PTPRD: variants seen among roughly 807,000 people sequenced by gnomAD.
The protein encoded by PTPRD is receptor-type tyrosine-protein phosphatase delta.
PTPRD carries 34 observed loss-of-function variants against 214.5 expected under a neutral mutation model. The ratio of observed to expected loss-of-function variants is 0.16; its 90% CI spans 0.12 to 0.21. The LOEUF (loss-of-function observed/expected upper bound fraction) is 0.21, where lower values mean the gene tolerates loss of function less well. Ranked by LOEUF, PTPRD falls within the 10% of genes least tolerant of loss-of-function variation. The probability of loss-of-function intolerance (pLI) is 1.00; values close to 1 mark genes in which losing one functional copy is unlikely to be tolerated. For missense variants in PTPRD, 2,545 were observed against 2,398.7 expected (o/e 1.06, Z -1.27); for synonymous variants, 1,128 against 845.7 (o/e 1.33, Z -5.79).
At chr9:8,544,745 A>G (rs2140357289) in intron 14 of PTPRD, among the ~76,000 whole-genome samples, 1 of 152,130 alleles carries the variant, frequency 6.6e-6, no homozygotes, top group Non-Finnish European at 1.5e-5. Flanking sequence ...TGCTGGGATT[A>G]CAGGCATGAG....
chr9:10,573,903 C>G (rs2068279747), intron 2 of PTPRD, among the ~76,000 whole-genome samples: 1 of 151,970 alleles, frequency 6.6e-6, no homozygotes, highest in Non-Finnish European at 1.5e-5. Context: ...TGTAACAAAA[C>G]TGCACATTCT....
intron 12 of PTPRD, among the ~76,000 whole-genome samples, chr9:8,696,946 C>T (rs991980953): frequency 1.3e-5 from 2 of 151,220 alleles, no homozygotes; most frequent in South Asian, 2.1e-4. Context: ...TTTCCAATAA[C>T]GGTTTCTTCA....
At chr9:9,254,777 G>C (rs769090160) in intron 9 of PTPRD, among the ~76,000 whole-genome samples, 2 of 151,886 alleles carry the variant, frequency 1.3e-5, no homozygotes, top group Admixed American at 1.3e-4. Flanking sequence ...AAAACCCTGC[G>C]CCCTCATTCC....
At chr9:9,252,612 G>C (rs1353698258) in intron 9 of PTPRD, among the ~76,000 whole-genome samples, 3 of 152,004 alleles carry the variant, frequency 2.0e-5, no homozygotes, top group Non-Finnish European at 4.4e-5. Context: ...CTCCCAAGTA[G>C]CTAGGACTGC....
In PTPRD at chr9:8,838,572, G is replaced by C. The variant is rs185959524; in HGVS notation, c.-103-104626C>G. 3.4e-5 allele frequency among the ~76,000 whole-genome samples: 5 copies of C among 146,316 alleles called. No homozygotes were observed. In the East Asian group the frequency reaches 8.6e-4, roughly 25 times the overall value. On this transcript the variant is annotated intron_variant, in intron 11 of 45. Transcript: ENST00000381196. ...GCTTGAAACTGAAAAATAAAAGAGAGAAAACAACTTATTGATTAAATAACA... is the reference window on the plus strand; with the variant it reads ...GCTTGAAACTGAAAAATAAAAGAGACAAAACAACTTATTGATTAAATAACA...
intron 5 of PTPRD, among the ~76,000 whole-genome samples, chr9:9,827,791 G>T (rs745714980): frequency 2.0e-5 from 3 of 152,012 alleles, no homozygotes; most frequent in Non-Finnish European, 2.9e-5. Context: ...AATCTACAAA[G>T]AACTCAAACA....
intron 6 of PTPRD, among the ~76,000 whole-genome samples, chr9:9,758,379 C>A (rs2098609780): frequency 6.6e-6 from 1 of 152,038 alleles, no homozygotes; most frequent in South Asian, 2.1e-4. Flanking sequence ...GCTATATGCC[C>A]ACCTGTGATG....
chr9:8,897,542 C>T (rs2098629602), intron 11 of PTPRD, among the ~76,000 whole-genome samples: 1 of 152,132 alleles, frequency 6.6e-6, no homozygotes, highest in East Asian at 1.9e-4. Context: ...TTTGATATCC[C>T]CAGAGAGGGC....
intron 7 of PTPRD, among the ~76,000 whole-genome samples, chr9:9,709,999 C>G (rs1209393931): frequency 6.6e-6 from 1 of 151,846 alleles, no homozygotes; most frequent in Non-Finnish European, 1.5e-5. Flanking sequence ...TGAATAGCAT[C>G]ATGCTGATTA....
chr9:8,844,458 G>A (rs146662816), intron 11 of PTPRD, among the ~76,000 whole-genome samples: 139 of 152,038 alleles, frequency 9.1e-4, no homozygotes, highest in African/African-American at 3.2e-3. Context: ...TAGTCACTGA[G>A]CAGTTTGGTA....
At chr9:8,453,256 C>T (rs543923353) in intron 33 of PTPRD, among the ~76,000 whole-genome samples, 12 of 152,128 alleles carry the variant, frequency 7.9e-5, no homozygotes, top group Non-Finnish European at 1.2e-4. Flanking sequence ...CTCTGCCTCC[C>T]GGGTTCATGC....
chr9:8,928,832 G>T (rs2098923472), intron 11 of PTPRD, among the ~76,000 whole-genome samples: 1 of 152,148 alleles, frequency 6.6e-6, no homozygotes, highest in Non-Finnish European at 1.5e-5. Context: ...AGGATGGAAT[G>T]TTTTTCCATT....
At position 9,129,258 on chromosome 9, in the gene PTPRD, C is replaced by G. The variant is rs187414303; in HGVS notation, c.-143+54046G>C. ...TACCAAAATTAGCCAGGCATGGTAGCGGGCGGCTGTAATCCCAGCTACTTG... is the reference window on the plus strand; with the variant it reads ...TACCAAAATTAGCCAGGCATGGTAGGGGGCGGCTGTAATCCCAGCTACTTG... On this transcript the variant is annotated intron_variant, in intron 10 of 45. Transcript: ENST00000381196. 4.6e-5 allele frequency among the ~76,000 whole-genome samples: 7 copies of G among 152,170 alleles called. No homozygotes were observed. In the East Asian group the frequency reaches 9.7e-4, roughly 21 times the overall value.
At chr9:9,834,679 T>G (rs1297823496) in intron 5 of PTPRD, among the ~76,000 whole-genome samples, 1 of 152,046 alleles carries the variant, frequency 6.6e-6, no homozygotes, top group Non-Finnish European at 1.5e-5. Flanking sequence ...TAAAAATTAA[T>G]TGCATATCTC....
At chr9:9,821,980 A>T (rs1184295315) in intron 5 of PTPRD, among the ~76,000 whole-genome samples, 1 of 150,726 alleles carries the variant, frequency 6.6e-6, no homozygotes, top group African/African-American at 2.4e-5. Context: ...AGATAATTCA[A>T]ATCTGTGACT....
intron 2 of PTPRD, among the ~76,000 whole-genome samples, chr9:10,437,044 A>G (rs2098723275): frequency 6.6e-6 from 1 of 151,734 alleles, no homozygotes; most frequent in Non-Finnish European, 1.5e-5. Flanking sequence ...TATATGCAAT[A>G]ACCACCTTCT....
chr9:10,156,033 GT>G (rs2099090406), intron 3 of PTPRD, among the ~76,000 whole-genome samples: 1 of 148,402 alleles, frequency 6.7e-6, no homozygotes, highest in Non-Finnish European at 1.5e-5. Context: ...CTTCTATTAT[GT>G]TTTTCCAAAA....
At chr9:10,462,559 A>G (rs1003741948) in intron 2 of PTPRD, among the ~76,000 whole-genome samples, 1 of 151,232 alleles carries the variant, frequency 6.6e-6, no homozygotes, top group Non-Finnish European at 1.5e-5. Flanking sequence ...TAACCAGGAC[A>G]TAAGAAAAAC....
At chr9:10,005,176 T>A (rs16930778) in intron 4 of PTPRD, among the ~76,000 whole-genome samples, 1 of 152,060 alleles carries the variant, frequency 6.6e-6, no homozygotes. Context: ...TAACTGTTAC[T>A]GTCCTAGGGC....
Sources: allele counts gnomAD v4.1 joint callset (sites outside exome capture counted in the v4.1 genomes callset), GRCh38; gene constraint gnomAD v4.1.1; transcripts MANE v1.5; gene names NCBI Gene and HGNC (gene_info 2026-07-23, HGNC 2026-07-21).